The following BAHCC1 variants were observed in gnomAD, a reference collection of about 807,000 sequenced individuals.
The protein encoded by BAHCC1 is BAH and coiled-coil domain-containing protein 1.
Under a neutral mutation model 88.2 loss-of-function variants are expected in BAHCC1, and 43 were observed. The observed-to-expected ratio is 0.49, with a 90% CI of 0.38 to 0.63. BAHCC1 has a LOEUF of 0.63. BAHCC1 is among the 20% of genes least tolerant of loss of function. The probability of loss-of-function intolerance (pLI) is 0.00; values close to 1 mark genes in which losing one functional copy is unlikely to be tolerated. For missense variants in BAHCC1, 3,023 were observed against 1,654.8 expected, an observed-to-expected ratio of 1.83 and a Z score of -14.34; for synonymous variants, 1,510 against 745.5, an observed-to-expected ratio of 2.03 and a Z score of -16.71.
intron 14 of BAHCC1, 70 bp downstream of exon 14, chr17:81,452,921 G>GTCCAGGCTCCCCTGAGGCT (rs1360533032): frequency 3.1e-6 from 2 of 644,320 alleles, no homozygotes; most frequent in Non-Finnish European, 5.5e-6. Context: ...GGGGAGCAGG[G>GTCCAGGCTCCCCTGAGGCT]TCCAGGCTCC....
intron 2 of BAHCC1, among the ~76,000 whole-genome samples, chr17:81,419,252 T>C (rs1414607074): frequency 2.0e-5 from 3 of 152,082 alleles, no homozygotes; most frequent in African/African-American, 7.2e-5. Context: ...CAGAGCCTGG[T>C]CTCCCCACCC....
chr17:81,399,207 G>A lies in BAHCC1; in HGVS notation c.-206-327G>A. ...GGGTTTTTATCACCCAGCAGAGCCA[G>A]CAGCCTCTTCGCCGCGGCGCCCTAG... is the stretch of plus-strand genomic sequence containing the variant. On this transcript the variant is annotated intron_variant, in intron 1 of 27. Transcript: ENST00000675386. This position sits in a 1 kb window ranked among gnomAD's most constrained non-coding sequence, Gnocchi z 4.5. The A allele has an allele frequency of 4.7e-6, 2 of 426,192 alleles. No individual in the cohort carries two copies. Among genetic ancestry groups the A allele is most frequent in the South Asian group, 1.6e-5 (1 of 62,374 alleles). The allele number at this position is 426,192 out of a possible 1,614,324, so 26.4% of individuals were successfully genotyped here. A position where few individuals can be genotyped will look rare whatever the true frequency, so the allele number is the denominator to read the frequency against.
At chr17:81,416,755 G>T (rs562047090) in intron 2 of BAHCC1, among the ~76,000 whole-genome samples, 1 of 152,338 alleles carries the variant, frequency 6.6e-6, no homozygotes, top group African/African-American at 2.4e-5. Flanking sequence ...GCTCTGGCAT[G>T]GAGCCTGTGT....
Position 81,399,816 on chromosome 17 carries a change from C to T in BAHCC1, c.77C>T (p.Ala26Val). Residue 26 changes from alanine to valine, a missense_variant, in exon 2 of 28, where the codon GCC becomes GTC. Coordinates refer to ENST00000675386, the MANE Select transcript of BAHCC1 (RefSeq NM_001377448.1). The surrounding 1 kb of genome is among the most constrained non-coding windows in gnomAD (Gnocchi z 4.5). The stretch of plus-strand genomic sequence containing the variant: ...AGCCTGGGCCACCGCAGCGCCGCTG[C>T]CGCCGCGCGTCTCGCCCCGGCTGGG... Reference protein sequence around the residue: ...RGSLGHRSAAAAARLAPAGPA... With the variant: ...RGSLGHRSAAVAARLAPAGPA... The T allele has an allele frequency of 2.3e-6, 3 of 1,320,882 alleles. No homozygotes were observed. The highest frequency in any genetic ancestry group is 2.9e-6 in the Non-Finnish European group (3 of 1,037,192). The allele number at this position is 1,320,882 out of a possible 1,614,324, so 81.8% of individuals were successfully genotyped here. A position where few individuals can be genotyped will look rare whatever the true frequency, so the allele number is the denominator to read the frequency against.
chr17:81,414,587 A>C (rs1053918748), intron 2 of BAHCC1, among the ~76,000 whole-genome samples: 4 of 152,166 alleles, frequency 2.6e-5, no homozygotes, highest in African/African-American at 9.7e-5. Flanking sequence ...AGGAACGCCG[A>C]GTTTTTACCT....
intron 2 of BAHCC1, among the ~76,000 whole-genome samples, chr17:81,418,227 C>G (rs1330650230): frequency 6.6e-6 from 1 of 152,234 alleles, no homozygotes; most frequent in South Asian, 2.1e-4. Flanking sequence ...CGAATCTGGA[C>G]AGTTTGCGGG....
At position 81,454,911 on chromosome 17, in the gene BAHCC1, G is replaced by A. The variant is rs1417736625; in HGVS notation, c.4446-356G>A. ...CTGGCCTCTGGGTCACTGTGGCTAGGACCAGACAGCACTGCCAGGGCGTTC... is the reference window on the plus strand; with the variant it reads ...CTGGCCTCTGGGTCACTGTGGCTAGAACCAGACAGCACTGCCAGGGCGTTC... On this transcript the variant is annotated intron_variant, in intron 14 of 27. Transcript: ENST00000675386. Among the ~76,000 whole-genome samples, 4 of 152,220 alleles carry A rather than the reference G, an allele frequency of 2.6e-5. No homozygotes were observed. In the East Asian group the frequency reaches 7.7e-4, roughly 29 times the overall value.
At chr17:81,418,796 C>CGTGTGTGTGTGTGTGTGCGCGCAT (rs539655672) in intron 2 of BAHCC1, among the ~76,000 whole-genome samples, 6 of 144,918 alleles carry the variant, frequency 4.1e-5, no homozygotes, top group East Asian at 2.0e-4. Flanking sequence ...TACGTGTGTG[C>CGTGTGTGTGTGTGTGTGCGCGCAT]GTGTGTGTGT....
At chr17:81,420,286 T>C (rs1355647698) in intron 2 of BAHCC1, among the ~76,000 whole-genome samples, 1 of 152,228 alleles carries the variant, frequency 6.6e-6, no homozygotes, top group Non-Finnish European at 1.5e-5. Context: ...TAGGGCCACC[T>C]CTGCTGTAAG....
rs976748464 is a variant in BAHCC1 at position 81,456,360 on chromosome 17, G to A, written c.4633G>A (p.Val1545Met). ...GGLAPSVAHR[V>M]AQLKPKVKSK... ...GCTGGCGCCCTCCGTGGCCCACAGGGTGGCCCAGCTGAAACCCAAGGTCAA... is the reference window on the plus strand; with the variant it reads ...GCTGGCGCCCTCCGTGGCCCACAGGATGGCCCAGCTGAAACCCAAGGTCAA... The change falls in exon 16 of 28, where the codon GTG (valine) becomes ATG (methionine). Residue 1545 changes from valine to methionine, a missense_variant. Coordinates refer to ENST00000675386, the MANE Select transcript of BAHCC1 (RefSeq NM_001377448.1). 2.8e-6 allele frequency: 2 copies of A among 723,000 alleles called. No homozygotes were observed. Among genetic ancestry groups the A allele is most frequent in the Non-Finnish European group, 5.1e-6 (2 of 388,968 alleles). The allele number at this position is 723,000 out of a possible 1,614,324, so 44.8% of individuals were successfully genotyped here. A position where few individuals can be genotyped will look rare whatever the true frequency, so the allele number is the denominator to read the frequency against.
At chr17:81,418,785 G>A (rs1234302986) in intron 2 of BAHCC1, among the ~76,000 whole-genome samples, 1 of 133,188 alleles carries the variant, frequency 7.5e-6, no homozygotes, top group African/African-American at 3.0e-5. Context: ...ACGTGTGTGT[G>A]TACGTGTGTG....
At chr17:81,400,772 C>A (rs1275230536) in intron 2 of BAHCC1, 2 of 154,380 alleles carry the variant, frequency 1.3e-5, no homozygotes, top group East Asian at 3.9e-4. Flanking sequence ...GAGGATCAGT[C>A]CTTGGCAGAG....
intron 2 of BAHCC1, chr17:81,412,970 C>G (rs549373248): frequency 2.0e-4 from 56 of 278,040 alleles, no homozygotes; most frequent in African/African-American, 1.2e-3. Flanking sequence ...GACGGAAGCT[C>G]GGTGCGGGTG....
chr17:81,453,858 C>G (rs1244477867), intron 14 of BAHCC1, among the ~76,000 whole-genome samples: 1 of 152,262 alleles, frequency 6.6e-6, no homozygotes, highest in South Asian at 2.1e-4. Flanking sequence ...CAGTTGGCCC[C>G]GGGACGGGCC....
Position 81,445,610 on chromosome 17 carries a change from G to T in BAHCC1, c.3092G>T (p.Arg1031Leu), listed in dbSNP as rs782530130. ...GCCAGCAGCCCCGGGCCTGGCTCCCGGGTGCGCAGCGCCGAGGAAAAGAAT... is the reference window on the plus strand; with the variant it reads ...GCCAGCAGCCCCGGGCCTGGCTCCCTGGTGCGCAGCGCCGAGGAAAAGAAT... ...CPASSPGPGS[R>L]VRSAEEKNGE... is the part of the protein sequence containing the mutation. The change falls in exon 10 of 28, where the codon CGG (arginine) becomes CTG (leucine). Residue 1031 changes from arginine to leucine, a missense_variant. Coordinates refer to ENST00000675386, the MANE Select transcript of BAHCC1 (RefSeq NM_001377448.1). 9 of 729,778 alleles carry T rather than the reference G, an allele frequency of 1.2e-5. No individual in the cohort carries two copies. The South Asian group carries it at 1.3e-4, about 11-fold the overall frequency. The allele number at this position is 729,778 out of a possible 1,614,324, so 45.2% of individuals were successfully genotyped here.
intron 19 of BAHCC1, 41 bp from the exon 20 acceptor site, chr17:81,458,772 C>T: frequency 1.3e-6 from 1 of 752,750 alleles, no homozygotes; most frequent in Non-Finnish European, 2.5e-6. Flanking sequence ...CACCTGCACC[C>T]CGCCTGCACC....
In BAHCC1 at chr17:81,445,701, C is replaced by G. The variant is rs1555654178; in HGVS notation, c.3163+20C>G. The G allele has an allele frequency of 1.4e-6, 1 of 718,500 alleles. No homozygotes were observed. The highest frequency in any genetic ancestry group is 2.6e-6 in the Non-Finnish European group (1 of 386,162). The allele number at this position is 718,500 out of a possible 1,614,324, so 44.5% of individuals were successfully genotyped here. A position where few individuals can be genotyped will look rare whatever the true frequency, so the allele number is the denominator to read the frequency against. ...AACCAGGTGAGAGTAGCCGCCTGGC[C>G]CGGCCCACTGTGCTCCGCTCCAAGC... is the stretch of plus-strand genomic sequence containing the variant. On this transcript the variant is annotated intron_variant, in intron 10 of 27. Transcript: ENST00000675386.
rs540472019 is a variant in BAHCC1, at chr17:81,415,015, G to A, written c.179-11785G>A. ...CGGCGTACTGTCCTCGCCAGCAGCC[G>A]TGCACTCTGCACGTTTGCCCCCTGG... On this transcript the variant is annotated intron_variant, in intron 2 of 27. Coordinates refer to ENST00000675386, the MANE Select transcript of BAHCC1 (RefSeq NM_001377448.1). Among the ~76,000 whole-genome samples the A allele has an allele frequency of 7.9e-5, 12 of 152,314 alleles. No individual in the cohort carries two copies. In the South Asian group the frequency reaches 1.2e-3, roughly 16 times the overall value.
intron 11 of BAHCC1, chr17:81,451,141 G>C (rs1414841119): frequency 6.4e-6 from 1 of 155,266 alleles, no homozygotes; most frequent in Non-Finnish European, 1.5e-5. Context: ...GCGTGACTTT[G>C]AACTTGGTTG....
Sources: gnomAD v4.1 joint callset for allele counts (sites outside exome capture counted in the v4.1 genomes callset) on GRCh38, gnomAD v4.1.1 for gene constraint, Gnocchi (gnomAD v3.1) non-coding constraint, MANE v1.5 for transcripts, NCBI Gene and HGNC (gene_info 2026-07-23, HGNC 2026-07-21) for gene names.